Variants in MYH10 observed in about 807,000 individuals in gnomAD.
The protein encoded by MYH10 is myosin-10.
Under a neutral mutation model 257.8 loss-of-function variants are expected in MYH10, and 55 were observed. The ratio of observed to expected loss-of-function variants is 0.21; its 90% CI spans 0.17 to 0.27. The LOEUF is 0.27. Among genes scored for constraint, MYH10 ranks in the 10% least tolerant of loss-of-function variants. The probability of loss-of-function intolerance (pLI) is 1.00; values close to 1 mark genes in which losing one functional copy is unlikely to be tolerated. For synonymous variants in MYH10, 854 were observed against 921.7 expected (o/e 0.93, Z 1.33); for missense variants, 1,631 against 2,500.6 (o/e 0.65, Z 7.42).
intron 14 of MYH10, among the ~76,000 whole-genome samples, chr17:8,538,896 C>T (rs2151940079): frequency 6.6e-6 from 1 of 152,248 alleles, no homozygotes; most frequent in East Asian, 1.9e-4. Flanking sequence ...CCTAATGCAG[C>T]CGTGTTGAGA....
chr17:8,518,104 CGTGTGTGTGTGTGTGTGTGTGTGTGTGT>C (rs58352961), intron 21 of MYH10, among the ~76,000 whole-genome samples: 3 of 116,516 alleles, frequency 2.6e-5, no homozygotes, highest in Admixed American at 8.8e-5. Context: ...CCCTTGGCCC[CGTGTGTGTGTGTGTGTGTGTGTGTGTGT>C]GTGTGTGTGT....
intron 38 of MYH10, among the ~76,000 whole-genome samples, chr17:8,481,076 CCCT>C (rs1567768363): frequency 3.3e-5 from 5 of 150,992 alleles, no homozygotes; most frequent in Admixed American, 2.0e-4. Flanking sequence ...CACGGCTCCC[CCCT>C]GCGGTGTGCA....
chr17:8,543,828 T>C (rs2082367442), intron 13 of MYH10, among the ~76,000 whole-genome samples: 1 of 152,238 alleles, frequency 6.6e-6, no homozygotes, highest in East Asian at 1.9e-4. Flanking sequence ...AAACTACCAA[T>C]TATAATTTTA....
chr17:8,615,427 C>T (rs2152095238), intron 2 of MYH10, among the ~76,000 whole-genome samples: 1 of 152,222 alleles, frequency 6.6e-6, no homozygotes, highest in Non-Finnish European at 1.5e-5. Context: ...AAAGATGAAA[C>T]ATTTCCCAAT....
intron 18 of MYH10, 27 bp from the exon 19 acceptor site, chr17:8,521,026 G>T: frequency 6.2e-7 from 1 of 1,611,232 alleles, no homozygotes; most frequent in Non-Finnish European, 8.5e-7. Flanking sequence ...TAGTTTCATG[G>T]TTTAATCTTT....
chr17:8,556,671 A>G (rs1195095278), intron 7 of MYH10, among the ~76,000 whole-genome samples: 1 of 152,214 alleles, frequency 6.6e-6, no homozygotes, highest in East Asian at 1.9e-4. Flanking sequence ...TAAGGGAAAC[A>G]TTCTTCCTCT....
At chr17:8,585,224 A>C (rs1262712149) in intron 4 of MYH10, among the ~76,000 whole-genome samples, 1 of 16,026 alleles carries the variant, frequency 6.2e-5, no homozygotes, top group Non-Finnish European at 2.6e-4. Context: ...GTGTGTACAT[A>C]TATGTGTGTG....
intron 4 of MYH10, among the ~76,000 whole-genome samples, chr17:8,582,755 G>A (rs982566328): frequency 1.3e-5 from 2 of 152,216 alleles, no homozygotes; most frequent in East Asian, 1.9e-4. Flanking sequence ...TCATTAATAC[G>A]TGACCAATTC....
At chr17:8,481,233 C>T (rs1489096995) in intron 38 of MYH10, 89 bp downstream of exon 38, 1 of 1,329,624 alleles carries the variant, frequency 7.5e-7, no homozygotes, top group Admixed American at 1.8e-5. Context: ...AAACCACCCG[C>T]TGATGCCAGG....
At chr17:8,600,623 G>A (rs1046311699) in intron 3 of MYH10, among the ~76,000 whole-genome samples, 2 of 152,168 alleles carry the variant, frequency 1.3e-5, no homozygotes, top group Non-Finnish European at 2.9e-5. Context: ...CAGGGCAATG[G>A]CAAGGCTTGA....
chr17:8,566,149 G>A (rs143279254), intron 7 of MYH10, among the ~76,000 whole-genome samples: 10 of 152,106 alleles, frequency 6.6e-5, no homozygotes, highest in Admixed American at 1.3e-4. Flanking sequence ...TCCAGACACC[G>A]CCAACGTCCC....
At position 8,535,822 on chromosome 17, in the gene MYH10, T is replaced by G. The variant is rs1314985084; in HGVS notation, c.1715A>C (p.Lys572Thr). 6.2e-7 allele frequency: 1 copy of G among 1,614,192 alleles called. No homozygotes were observed. The highest frequency in any genetic ancestry group is 1.1e-5 in the South Asian group (1 of 91,090). The change falls in exon 15 of 43, where the codon AAG becomes ACG. Residue 572 changes from lysine to threonine, a missense_variant. Physicochemically the swap from Lys to Thr is moderately conservative, Grantham distance 78. This residue lies in a region of MYH10 where 63 missense variants were observed against 167.9 expected (regional missense o/e 0.38). Transcript: ENST00000360416. The surrounding 1 kb of genome is among the most constrained non-coding windows in gnomAD (Gnocchi z 4.3). The part of the protein sequence containing the change: ...KLVQEQGSHS[K>T]FQKPRQLKDK... ...TTTTAATTGTCGAGGTTTCTGAAAC[T>G]TGGAGTGGGAACCTTGCTCTTGAAC...
Position 8,622,884 on chromosome 17 carries a change from T to C in MYH10, c.345+18A>G. 6.2e-7 allele frequency: 1 copy of C among 1,608,162 alleles called. No individual in the cohort carries two copies. Among genetic ancestry groups the C allele is most frequent in the Non-Finnish European group, 8.5e-7 (1 of 1,177,420 alleles). On this transcript the variant is annotated intron_variant, in intron 2 of 42. Coordinates refer to ENST00000360416, the MANE Select transcript of MYH10 (RefSeq NM_001256012.3). ...TCCTAGCTACCACTTCACATGATTA[T>C]TTGGAAGAAATACTTACATAGATTA...
At chr17:8,615,813 TA>T (rs1355213334) in intron 2 of MYH10, among the ~76,000 whole-genome samples, 16 of 152,178 alleles carry the variant, frequency 1.1e-4, no homozygotes, top group Non-Finnish European at 2.4e-4. Context: ...CTTAATCTGA[TA>T]AAGAATCAGT....
Position 8,509,875 on chromosome 17 carries a change from G to A in MYH10, c.3027C>T (p.Ala1009=). ...TCTCCTCTTCCATCTTCTTGATCTT[G>A]GCCTCTGCTGTCACCTTTTCCAGCT... is the stretch of plus-strand genomic sequence containing the variant. ...KLQLEKVTAE[A]KIKKMEEEIL... The change falls in exon 25 of 43, where the codon GCC becomes GCT. Residue 1009 remains alanine (A), a synonymous_variant. Coordinates refer to ENST00000360416, the MANE Select transcript of MYH10 (RefSeq NM_001256012.3). 6.2e-7 allele frequency: 1 copy of A among 1,613,068 alleles called. No individual in the cohort carries two copies. Among genetic ancestry groups the A allele is most frequent in the East Asian group, 2.2e-5 (1 of 44,776 alleles).
intron 2 of MYH10, among the ~76,000 whole-genome samples, chr17:8,621,939 T>C (rs894921038): frequency 6.6e-6 from 1 of 152,186 alleles, no homozygotes; most frequent in African/African-American, 2.4e-5. Context: ...ACCTGGCCTG[T>C]CTTCTTCACT....
intron 28 of MYH10, among the ~76,000 whole-genome samples, chr17:8,503,053 C>T (rs1159297906): frequency 2.0e-5 from 3 of 152,192 alleles, no homozygotes; most frequent in South Asian, 2.1e-4. Context: ...GAGGCCAAGG[C>T]GGGCGGATCA....
chr17:8,609,766 C>T (rs1033461416), intron 2 of MYH10, among the ~76,000 whole-genome samples: 1 of 151,650 alleles, frequency 6.6e-6, no homozygotes, highest in African/African-American at 2.4e-5. Flanking sequence ...AAAAATAGAA[C>T]AATGGTAAAA....
chr17:8,481,564 A>T, intron 37 of MYH10, 154 bp from the exon 38 acceptor site: 1 of 644,746 alleles, frequency 1.6e-6, no homozygotes, highest in Non-Finnish European at 2.6e-6. Flanking sequence ...CTGTCAAGAA[A>T]ATCTGCTCGG....
Sources: allele counts gnomAD v4.1 joint callset (sites outside exome capture counted in the v4.1 genomes callset), GRCh38; gene constraint gnomAD v4.1.1; regional missense constraint gnomAD v4.1.1; non-coding constraint Gnocchi (gnomAD v3.1); transcripts MANE v1.5; gene names NCBI Gene and HGNC (gene_info 2026-07-23, HGNC 2026-07-21).